Variants in HS6ST3 observed in about 807,000 individuals in gnomAD.
HS6ST3 encodes heparan-sulfate 6-O-sulfotransferase 3.
Under a neutral mutation model 36.7 loss-of-function variants are expected in HS6ST3, and 12 were observed. The observed-to-expected ratio is 0.33, with a 90% CI of 0.21 to 0.53. The LOEUF is 0.53. Among genes scored for constraint, HS6ST3 ranks in the 20% least tolerant of loss-of-function variants. HS6ST3 has a pLI of 0.95. For missense variants in HS6ST3, 584 were observed against 640.9 expected, an observed-to-expected ratio of 0.91 and a Z score of 0.96; for synonymous variants, 240 against 257.5, an observed-to-expected ratio of 0.93 and a Z score of 0.65.
At chr13:96,382,818 T>C (rs926397081) in intron 1 of HS6ST3, among the ~76,000 whole-genome samples, 2 of 152,228 alleles carry the variant, frequency 1.3e-5, no homozygotes, top group African/African-American at 4.8e-5. Context: ...TTATTAAGAT[T>C]TCTTCTCTCA....
At chr13:96,802,935 C>T (rs1456757771) in intron 1 of HS6ST3, among the ~76,000 whole-genome samples, 1 of 152,164 alleles carries the variant, frequency 6.6e-6, no homozygotes, top group African/African-American at 2.4e-5. Flanking sequence ...AGTTGTGCTG[C>T]AGATCACATC....
At chr13:96,252,816 C>G (rs541309792) in intron 1 of HS6ST3, among the ~76,000 whole-genome samples, 1 of 151,954 alleles carries the variant, frequency 6.6e-6, no homozygotes, top group South Asian at 2.1e-4. Context: ...AGTGTGGCAC[C>G]CCACCCCCAA....
intron 1 of HS6ST3, among the ~76,000 whole-genome samples, chr13:96,477,795 G>A (rs372294976): frequency 1.1e-4 from 16 of 152,084 alleles, no homozygotes; most frequent in East Asian, 9.7e-4. Context: ...TCTTAAAGCC[G>A]GGAGGCAAAG....
chr13:96,319,906 T>C (rs1254785605), intron 1 of HS6ST3, among the ~76,000 whole-genome samples: 3 of 152,170 alleles, frequency 2.0e-5, no homozygotes, highest in Non-Finnish European at 2.9e-5. Context: ...GAAAACAAGA[T>C]TGCTGCCCCA....
At chr13:96,467,008 A>G (rs1317708933) in intron 1 of HS6ST3, among the ~76,000 whole-genome samples, 1 of 152,196 alleles carries the variant, frequency 6.6e-6, no homozygotes, top group Admixed American at 6.5e-5. Context: ...CAAAGATAGC[A>G]CAAGAAGCTG....
chr13:96,186,285 C>G (rs548568001), intron 1 of HS6ST3, among the ~76,000 whole-genome samples: 26 of 152,290 alleles, frequency 1.7e-4, no homozygotes, highest in African/African-American at 3.8e-4. Context: ...GCTCCCTCAT[C>G]TACAGTTCAG....
chr13:96,228,556 G>A (rs1036801803), intron 1 of HS6ST3, among the ~76,000 whole-genome samples: 1 of 152,146 alleles, frequency 6.6e-6, no homozygotes, highest in Non-Finnish European at 1.5e-5. Context: ...GTGGACCACC[G>A]TGCCCGGCCT....
rs371116147 is a variant in HS6ST3 at position 96,091,288 on chromosome 13, C to A, written c.426C>A (p.Ile142=). Residue 142 remains isoleucine, a synonymous_variant, in exon 1 of 2, where the codon ATC becomes ATA. Coordinates refer to ENST00000376705, the MANE Select transcript of HS6ST3 (RefSeq NM_153456.4). ...KDLTRFVDFN[I]KGRDVIVFLH... Reference sequence around the variant, plus strand: ...TGACCCGCTTCGTGGATTTCAACATCAAAGGGCGCGACGTGATCGTGTTCC... The same window carrying A: ...TGACCCGCTTCGTGGATTTCAACATAAAAGGGCGCGACGTGATCGTGTTCC... The A allele has an allele frequency of 9.9e-6, 16 of 1,613,510 alleles. No homozygotes were observed. In the African/African-American group the frequency reaches 2.0e-4, roughly 20 times the overall value.
rs199529049 is a variant in HS6ST3, at chr13:96,407,133, CTT to C, written c.707+315565_707+315566del. Reference sequence around the variant, plus strand: ...ATGAATGTATTTGTTAATATTAAAACTTAATGCAATGATCTGTTAATGTTGAA... The same window carrying C: ...ATGAATGTATTTGTTAATATTAAAACAATGCAATGATCTGTTAATGTTGAA... On this transcript the variant is annotated intron_variant, in intron 1 of 1. Transcript: ENST00000376705. 6.7e-3 allele frequency among the ~76,000 whole-genome samples: 1,018 copies of C among 152,246 alleles called. 7 individuals are homozygous for C. Among genetic ancestry groups the C allele is most frequent in the African/African-American group, 0.024 (977 of 41,528 alleles).
intron 1 of HS6ST3, among the ~76,000 whole-genome samples, chr13:96,818,811 T>C (rs1472123377): frequency 6.6e-6 from 1 of 152,242 alleles, no homozygotes; most frequent in Non-Finnish European, 1.5e-5. Flanking sequence ...TTTCTTGATA[T>C]AGAGCTTTTG....
intron 1 of HS6ST3, among the ~76,000 whole-genome samples, chr13:96,686,875 C>T (rs1045621473): frequency 4.6e-5 from 7 of 151,996 alleles, no homozygotes; most frequent in Non-Finnish European, 7.4e-5. Flanking sequence ...CTGTTATCTA[C>T]AGTTACTTTT....
At chr13:96,241,923 C>T (rs2054562405) in intron 1 of HS6ST3, among the ~76,000 whole-genome samples, 1 of 151,412 alleles carries the variant, frequency 6.6e-6, no homozygotes. Flanking sequence ...GTAGCTGGGA[C>T]CACAGGCGTC....
At chr13:96,817,638 CT>C (rs1221171576) in intron 1 of HS6ST3, among the ~76,000 whole-genome samples, 6 of 152,130 alleles carry the variant, frequency 3.9e-5, no homozygotes, top group African/African-American at 1.4e-4. Context: ...CCCTCCCCAC[CT>C]TTTTCTTTTG....
At chr13:96,562,409 G>A (rs1217374231) in intron 1 of HS6ST3, among the ~76,000 whole-genome samples, 1 of 151,986 alleles carries the variant, frequency 6.6e-6, no homozygotes, top group Non-Finnish European at 1.5e-5. Context: ...GAACTGTTGG[G>A]TACTATGCTC....
chr13:96,469,882 T>C (rs1391958058), intron 1 of HS6ST3, among the ~76,000 whole-genome samples: 1 of 152,212 alleles, frequency 6.6e-6, no homozygotes, highest in Non-Finnish European at 1.5e-5. Flanking sequence ...ATTTCTGTGC[T>C]CTGGTCATTT....
chr13:96,451,638 C>G (rs967931050), intron 1 of HS6ST3, among the ~76,000 whole-genome samples: 2 of 152,088 alleles, frequency 1.3e-5, no homozygotes, highest in Non-Finnish European at 2.9e-5. Context: ...TTTTTATGTA[C>G]AGTTTTGTCC....
chr13:96,826,561 A>G (rs1490816770), intron 1 of HS6ST3, among the ~76,000 whole-genome samples: 1 of 152,176 alleles, frequency 6.6e-6, no homozygotes, highest in Non-Finnish European at 1.5e-5. Context: ...TTAAAAGTGC[A>G]GTAAGTGATG....
intron 1 of HS6ST3, among the ~76,000 whole-genome samples, chr13:96,210,014 C>G (rs1430755816): frequency 6.6e-6 from 1 of 152,144 alleles, no homozygotes; most frequent in Non-Finnish European, 1.5e-5. Context: ...GTTTGGTTTA[C>G]TGCTATAGAA....
intron 1 of HS6ST3, among the ~76,000 whole-genome samples, chr13:96,659,537 AT>A (rs898790348): frequency 3.3e-5 from 5 of 151,886 alleles, no homozygotes; most frequent in East Asian, 3.9e-4. Context: ...TCTTTATTGC[AT>A]TTTTTTGCTG....
Sources: gnomAD v4.1 joint callset for allele counts (sites outside exome capture counted in the v4.1 genomes callset) on GRCh38, gnomAD v4.1.1 for gene constraint, MANE v1.5 for transcripts, NCBI Gene and HGNC (gene_info 2026-07-23, HGNC 2026-07-21) for gene names.